The following SLIT3 variants were observed in gnomAD, a reference collection of about 807,000 sequenced individuals.
The protein encoded by SLIT3 is slit guidance ligand 3.
A neutral mutation model predicts 184.0 loss-of-function variants in SLIT3; 68 were observed. That is an observed-to-expected ratio of 0.37 (90% CI 0.30 to 0.45). The LOEUF (loss-of-function observed/expected upper bound fraction) is 0.45. Among genes scored for constraint, SLIT3 ranks in the 20% least tolerant of loss-of-function variants. The pLI is 1.00. For synonymous variants in SLIT3, 831 were observed against 828.6 expected, an observed-to-expected ratio of 1.00 and a Z score of -0.05; for missense variants, 1,707 against 2,026.0, an observed-to-expected ratio of 0.84 and a Z score of 3.02.
At chr5:168,701,516 G>GA (rs991191235) in intron 26 of SLIT3, among the ~76,000 whole-genome samples, 5 of 152,236 alleles carry the variant, frequency 3.3e-5, no homozygotes, top group African/African-American at 7.2e-5. Flanking sequence ...GGAAGGTGGG[G>GA]AGAGGAGCGT....
At chr5:168,860,173 C>A (rs1332175514) in intron 5 of SLIT3, among the ~76,000 whole-genome samples, 9 of 152,028 alleles carry the variant, frequency 5.9e-5, no homozygotes, top group Non-Finnish European at 1.3e-4. Flanking sequence ...TAATTTTCAA[C>A]AGAAGAAGAA....
chr5:169,276,911 A>G (rs1266684158), intron 1 of SLIT3, among the ~76,000 whole-genome samples: 1 of 152,236 alleles, frequency 6.6e-6, no homozygotes, highest in Admixed American at 6.5e-5. Flanking sequence ...TAAAATCTAC[A>G]TCATATAAGT....
intron 4 of SLIT3, among the ~76,000 whole-genome samples, chr5:169,064,175 A>G (rs4868223): frequency 0.4 from 60,751 of 151,888 alleles, 12,506 homozygotes; most frequent in South Asian, 0.59. Context: ...CTCTTTCTGG[A>G]ATTATTAAAA....
At chr5:168,989,469 GCT>G (rs1476543549) in intron 4 of SLIT3, among the ~76,000 whole-genome samples, 3 of 152,174 alleles carry the variant, frequency 2.0e-5, no homozygotes, top group African/African-American at 7.2e-5. Flanking sequence ...CACTTGTCTC[GCT>G]CTTTGGGGTA....
chr5:168,966,364 C>T (rs1175159507), intron 4 of SLIT3, among the ~76,000 whole-genome samples: 1 of 150,896 alleles, frequency 6.6e-6, no homozygotes, highest in Non-Finnish European at 1.5e-5. Context: ...TAGAAGCCAG[C>T]ATGATTTTTT....
chr5:169,158,054 A>C (rs1431440958), intron 4 of SLIT3, among the ~76,000 whole-genome samples: 2 of 152,284 alleles, frequency 1.3e-5, no homozygotes, highest in Non-Finnish European at 2.9e-5. Context: ...GGCTTAAAAA[A>C]TACATGAAGA....
At chr5:169,265,897 A>G (rs1655567916) in intron 1 of SLIT3, among the ~76,000 whole-genome samples, 1 of 152,200 alleles carries the variant, frequency 6.6e-6, no homozygotes, top group Admixed American at 6.5e-5. Context: ...GCTCCACCCC[A>G]AATCTCCTTC....
intron 1 of SLIT3, among the ~76,000 whole-genome samples, chr5:169,253,835 C>A (rs1306237041): frequency 6.6e-6 from 1 of 152,202 alleles, no homozygotes; most frequent in Non-Finnish European, 1.5e-5. Context: ...AAAAAGGCAT[C>A]TATTTTGTGG....
intron 4 of SLIT3, among the ~76,000 whole-genome samples, chr5:169,143,155 C>T: frequency 6.6e-6 from 1 of 152,194 alleles, no homozygotes; most frequent in South Asian, 2.1e-4. Flanking sequence ...GATTATGAAA[C>T]ATTTAGCAAG....
intron 20 of SLIT3, among the ~76,000 whole-genome samples, chr5:168,747,953 G>GA (rs149141202): frequency 0.01 from 1,585 of 152,280 alleles, 36 homozygotes; most frequent in African/African-American, 0.036. Flanking sequence ...AGAGACTGCT[G>GA]AGGAGTCTTA....
chr5:168,998,893 CTGTGTGTG>C (rs71575505), intron 4 of SLIT3, among the ~76,000 whole-genome samples: 7 of 143,190 alleles, frequency 4.9e-5, no homozygotes, highest in Middle Eastern at 3.2e-3. Context: ...ACCCAGAAAT[CTGTGTGTG>C]TGTGTGTGTG....
chr5:168,828,966 A>G (rs1350664089), intron 6 of SLIT3, among the ~76,000 whole-genome samples: 1 of 152,210 alleles, frequency 6.6e-6, no homozygotes, highest in Non-Finnish European at 1.5e-5. Context: ...TTCCCCACTT[A>G]GGAAGAAGCC....
At chr5:168,680,755 T>C (rs1761563248) in intron 32 of SLIT3, among the ~76,000 whole-genome samples, 1 of 152,122 alleles carries the variant, frequency 6.6e-6, no homozygotes, top group Admixed American at 6.5e-5. Flanking sequence ...GGCCTCCTCC[T>C]CCCCAGGGCT....
chr5:168,755,862 G>A (rs1203232729), intron 16 of SLIT3, among the ~76,000 whole-genome samples: 1 of 152,190 alleles, frequency 6.6e-6, no homozygotes, highest in Non-Finnish European at 1.5e-5. Context: ...AGAGCCATTA[G>A]CACTGCGAGT....
At chr5:169,231,378 A>T (rs1245954249) in intron 3 of SLIT3, among the ~76,000 whole-genome samples, 1 of 152,138 alleles carries the variant, frequency 6.6e-6, no homozygotes, top group South Asian at 2.1e-4. Context: ...GCAACTCCCC[A>T]TTGCTTAACA....
intron 4 of SLIT3, among the ~76,000 whole-genome samples, chr5:169,158,538 G>A (rs538708366): frequency 3.4e-4 from 52 of 152,108 alleles, no homozygotes; most frequent in African/African-American, 1.2e-3. Flanking sequence ...GAAGAACAAT[G>A]GAAAGAGTAA....
At chr5:169,046,937 T>G (rs916509566) in intron 4 of SLIT3, among the ~76,000 whole-genome samples, 1 of 152,176 alleles carries the variant, frequency 6.6e-6, no homozygotes, top group African/African-American at 2.4e-5. Flanking sequence ...ATTTGCTTTC[T>G]ATATTCTAGG....
At chr5:168,780,743 T>C (rs1755940895) in intron 12 of SLIT3, among the ~76,000 whole-genome samples, 1 of 152,204 alleles carries the variant, frequency 6.6e-6, no homozygotes, top group Non-Finnish European at 1.5e-5. Flanking sequence ...CCCTCTGTCA[T>C]CCTGAATTTC....
chr5:169,180,836 T>C (rs145666078), intron 4 of SLIT3, among the ~76,000 whole-genome samples: 1 of 152,324 alleles, frequency 6.6e-6, no homozygotes, highest in East Asian at 1.9e-4. Flanking sequence ...CTAACAATTA[T>C]TTCCTAAGAT....
Sources: gnomAD v4.1 joint callset for allele counts (sites outside exome capture counted in the v4.1 genomes callset) on GRCh38, gnomAD v4.1.1 for gene constraint, MANE v1.5 for transcripts, NCBI Gene and HGNC (gene_info 2026-07-23, HGNC 2026-07-21) for gene names.